Variants in C6orf89 observed in about 807,000 individuals in gnomAD.
C6orf89 encodes chromosome 6 open reading frame 89, also known as bombesin receptor-activated protein C6orf89.
A neutral mutation model predicts 40.7 loss-of-function variants in C6orf89; 29 were observed. That is an observed-to-expected ratio of 0.71 (90% confidence interval 0.53 to 0.97). The LOEUF (loss-of-function observed/expected upper bound fraction) is 0.97. Among genes scored for constraint, C6orf89 ranks in the 50% least tolerant of loss-of-function variants. The probability of loss-of-function intolerance (pLI) is 0.00; values close to 1 mark genes in which losing one functional copy is unlikely to be tolerated. For missense variants in C6orf89, 392 were observed against 429.1 expected (o/e 0.91, Z 0.76); for synonymous variants, 165 against 152.2 (o/e 1.08, Z -0.62).
chr6:36,908,724 A>C (rs955133619), intron 4 of C6orf89, among the ~76,000 whole-genome samples: 10 of 152,206 alleles, frequency 6.6e-5, no homozygotes, highest in Non-Finnish European at 8.8e-5. Context: ...AACAACAGAA[A>C]TCCAGTACCT....
At chr6:36,899,293 A>G in intron 2 of C6orf89, 133 bp from the exon 3 acceptor site, 1 of 666,304 alleles carries the variant, frequency 1.5e-6, no homozygotes, top group Non-Finnish European at 2.6e-6. Flanking sequence ...GTTTCATGAA[A>G]GTATTGGTCT....
At chr6:36,912,472 A>C (rs1762161884) in intron 4 of C6orf89, among the ~76,000 whole-genome samples, 1 of 152,226 alleles carries the variant, frequency 6.6e-6, no homozygotes, top group South Asian at 2.1e-4. Flanking sequence ...TGTGTCCATT[A>C]CCCAGAGCTT....
chr6:36,894,560 C>A lies in C6orf89; in HGVS notation c.-63C>A, dbSNP rs1274866871. 3.0e-6 allele frequency: 3 copies of A among 985,378 alleles called. No individual in the cohort carries two copies. The highest frequency in any genetic ancestry group is 3.6e-6 in the Non-Finnish European group (3 of 829,908). 61.0% of individuals were successfully genotyped at this position (985,378 alleles called of 1,614,324 possible). On this transcript the variant is annotated 5_prime_UTR_variant, in exon 2 of 9. Coordinates refer to ENST00000480824, the MANE Select transcript of C6orf89 (RefSeq NM_001286635.2). ...CAGCCGCTCAGTTGTGATCAAGGGA[C>A]ACGTGGTTTCCGAACTGCCAGCTCA...
chr6:36,902,345 G>A lies in C6orf89; in HGVS notation c.314G>A (p.Arg105Lys), dbSNP rs747168988. The A allele has an allele frequency of 3.7e-5, 60 of 1,614,050 alleles. No individual in the cohort carries two copies. The highest frequency in any genetic ancestry group is 4.5e-5 in the Non-Finnish European group (53 of 1,180,042). ...HTWRSLIHHI[R>K]LMSLPIAKKY... ...TGGCGCTCACTCATCCATCACATTA[G>A]GCTGATGTCCTTGCCCATTGCCAAG... Residue 105 changes from arginine to lysine, a missense_variant, in exon 4 of 9, where the codon AGG becomes AAG. Arg to Lys is a conservative substitution (Grantham distance 26, BLOSUM62 2). Transcript: ENST00000480824.
At chr6:36,890,842 A>G (rs899240001) in intron 1 of C6orf89, among the ~76,000 whole-genome samples, 6 of 152,102 alleles carry the variant, frequency 3.9e-5, no homozygotes, top group Non-Finnish European at 7.4e-5. Context: ...CCCTGCCTGT[A>G]CCTTGATTGT....
At chr6:36,910,756 T>G (rs1254419968) in intron 4 of C6orf89, among the ~76,000 whole-genome samples, 1 of 150,158 alleles carries the variant, frequency 6.7e-6, no homozygotes, top group African/African-American at 2.4e-5. Context: ...GGTCTCAAAC[T>G]CCTGGGCTCA....
At chr6:36,896,058 T>C (rs10947639) in intron 2 of C6orf89, among the ~76,000 whole-genome samples, 1 of 152,150 alleles carries the variant, frequency 6.6e-6, no homozygotes, top group Non-Finnish European at 1.5e-5. Flanking sequence ...TTGATCTGCA[T>C]TTCTCTGATG....
chr6:36,909,237 A>T (rs1269441310), intron 4 of C6orf89, among the ~76,000 whole-genome samples: 4 of 148,970 alleles, frequency 2.7e-5, no homozygotes, highest in African/African-American at 9.9e-5. Flanking sequence ...ATATACACAT[A>T]TCTTTATATA....
chr6:36,878,018 C>T (rs1774706132), intron 1 of C6orf89, among the ~76,000 whole-genome samples: 1 of 152,226 alleles, frequency 6.6e-6, no homozygotes, highest in African/African-American at 2.4e-5. Flanking sequence ...CATTATTGGA[C>T]ATCTCAATAT....
Position 36,914,297 on chromosome 6 carries a change from G to A in C6orf89, c.417G>A (p.Trp139Ter). The A allele has an allele frequency of 1.2e-6, 2 of 1,613,704 alleles. No individual in the cohort carries two copies. Among genetic ancestry groups the A allele is most frequent in the African/African-American group, 1.3e-5 (1 of 74,982 alleles). Residue 139 changes from tryptophan (W) to a stop codon, truncating the protein, a stop_gained, in exon 5 of 9, where the codon TGG becomes TGA. Transcript: ENST00000480824. LOFTEE classifies it high-confidence loss of function. Reference protein sequence around the residue: ...EDRPFPDFDPWWTNDCEQNES... With the variant: ...EDRPFPDFDP ...TTCCTCTCTCAGACTTTGACCCCTG[G>A]TGGACAAACGACTGTGAGCAGAATG...
chr6:36,910,424 A>G (rs1762082406), intron 4 of C6orf89, among the ~76,000 whole-genome samples: 1 of 152,158 alleles, frequency 6.6e-6, no homozygotes, highest in African/African-American at 2.4e-5. Context: ...ACTTAATTAA[A>G]AATCTATGTT....
In C6orf89 at chr6:36,899,482, A is replaced by G. The variant is rs777676667; in HGVS notation, c.38A>G (p.Lys13Arg). The change falls in exon 3 of 9, where the codon AAA becomes AGA. Residue 13 changes from lysine to arginine, a missense_variant. Coordinates refer to ENST00000480824, the MANE Select transcript of C6orf89 (RefSeq NM_001286635.2). ...LAANEISIYDKLSETVDLVRQ... is the reference protein window; with the variant it reads ...LAANEISIYDRLSETVDLVRQ... ...GCCAACGAGATCAGCATTTATGACA[A>G]ACTTTCAGAGACTGTTGATTTGGTG... 4.3e-6 allele frequency: 7 copies of G among 1,614,184 alleles called. No individual in the cohort carries two copies. The highest frequency in any genetic ancestry group is 4.5e-5 in the East Asian group (2 of 44,890).
At chr6:36,893,657 C>T (rs897808566) in intron 1 of C6orf89, among the ~76,000 whole-genome samples, 4 of 152,090 alleles carry the variant, frequency 2.6e-5, no homozygotes, top group Non-Finnish European at 5.9e-5. Context: ...ACAGGCCAGG[C>T]GCGGTGGTTC....
chr6:36,889,339 T>G (rs1214222755), intron 1 of C6orf89, among the ~76,000 whole-genome samples: 4 of 152,102 alleles, frequency 2.6e-5, no homozygotes, highest in Non-Finnish European at 5.9e-5. Flanking sequence ...TTTCAACAGG[T>G]TAATAAATGA....
intron 4 of C6orf89, among the ~76,000 whole-genome samples, chr6:36,903,485 A>T (rs569909423): frequency 1.7e-4 from 26 of 151,862 alleles, no homozygotes; most frequent in African/African-American, 6.0e-4. Context: ...TTTGAGTTGG[A>T]GTCTCGCTCT....
upstream of C6orf89, chr6:36,885,926 T>G (rs894664158): frequency 1.8e-6 from 2 of 1,133,164 alleles, no homozygotes; most frequent in Non-Finnish European, 2.3e-6. Context: ...AGTGGGGGGT[T>G]GCTTCCGGGT....
At chr6:36,886,087 C>CCGT (rs2150674875) in intron 1 of C6orf89, 59 bp downstream of exon 1, 1 of 1,238,178 alleles carries the variant, frequency 8.1e-7, no homozygotes, top group Non-Finnish European at 1.0e-6. Flanking sequence ...AGCCTCGCCG[C>CCGT]GCCCGTCTCT....
Position 36,902,484 on chromosome 6 carries a change from A to G in C6orf89, c.403+50A>G, listed in dbSNP as rs781177743. The G allele has an allele frequency of 2.5e-5, 39 of 1,542,156 alleles. No individual in the cohort carries two copies. In the South Asian group the frequency reaches 3.0e-4, roughly 12 times the overall value. On this transcript the variant is annotated intron_variant, in intron 4 of 8. Coordinates refer to ENST00000480824, the MANE Select transcript of C6orf89 (RefSeq NM_001286635.2). Reference sequence around the variant, plus strand: ...TTAGATATAGTTTTCTTGACAGTATATGATAGGAAAGGAAGTAACATTTAT... The same window carrying G: ...TTAGATATAGTTTTCTTGACAGTATGTGATAGGAAAGGAAGTAACATTTAT...
intron 2 of C6orf89, among the ~76,000 whole-genome samples, chr6:36,895,632 A>G (rs576348842): frequency 6.6e-6 from 1 of 152,348 alleles, no homozygotes; most frequent in Admixed American, 6.5e-5. Flanking sequence ...TCTTTCACCT[A>G]GCATAATGTT....
Sources: allele counts gnomAD v4.1 joint callset (sites outside exome capture counted in the v4.1 genomes callset), GRCh38; gene constraint gnomAD v4.1.1; transcripts MANE v1.5; gene names NCBI Gene and HGNC (gene_info 2026-07-23, HGNC 2026-07-21).